Variants in UNC79 observed in about 807,000 individuals in gnomAD.
UNC79 encodes the protein protein unc-79 homolog.
UNC79 carries 37 observed loss-of-function variants against 283.1 expected under a neutral mutation model. That is an observed-to-expected ratio of 0.13 (90% CI 0.10 to 0.17). The LOEUF is 0.17. Among genes scored for constraint, UNC79 ranks in the 10% least tolerant of loss-of-function variants. UNC79 has a pLI of 1.00. For missense variants in UNC79, 2,272 were observed against 3,211.1 expected, an observed-to-expected ratio of 0.71 and a Z score of 7.07; for synonymous variants, 1,107 against 1,200.2, an observed-to-expected ratio of 0.92 and a Z score of 1.61.
Position 93,353,958 on chromosome 14 carries a change from A to G in UNC79, c.-351+20435A>G, listed in dbSNP as rs981169420. ...ATGTAACCTTAAATACATAATCAAA[A>G]ATAGGGTATGGAAAATAGCCATGGG... is the stretch of plus-strand genomic sequence containing the variant. On this transcript the variant is annotated intron_variant, in intron 1 of 49. Coordinates refer to the UNC79 transcript ENST00000256339. Among the ~76,000 whole-genome samples, 20 of 152,342 alleles carry G rather than the reference A, an allele frequency of 1.3e-4. No homozygotes were observed. The Middle Eastern group carries it at 0.017, about 130-fold the overall frequency.
At chr14:93,649,054 CTT>C (rs1292734649) in intron 35 of UNC79, among the ~76,000 whole-genome samples, 1 of 152,092 alleles carries the variant, frequency 6.6e-6, no homozygotes, top group Non-Finnish European at 1.5e-5. Context: ...CTGTGTGTGA[CTT>C]TGGCCACATT....
rs540274920 is a variant in UNC79 at position 93,413,350 on chromosome 14, A to G, written c.-350-54321A>G. On this transcript the variant is annotated intron_variant, in intron 1 of 49. Coordinates refer to the UNC79 transcript ENST00000256339. ...TTTCATCCATGTCCCTACAAAGGAC[A>G]TGAACTCATCATGTTTTATGGCTGC... Among the ~76,000 whole-genome samples, 12 of 152,212 alleles carry G rather than the reference A, an allele frequency of 7.9e-5. No homozygotes were observed. In the South Asian group the frequency reaches 2.3e-3, roughly 29 times the overall value.
chr14:93,647,961 T>C (rs1030889187), intron 35 of UNC79, among the ~76,000 whole-genome samples: 3 of 152,168 alleles, frequency 2.0e-5, no homozygotes, highest in African/African-American at 7.2e-5. Context: ...GTGAGACTTA[T>C]TCACTACCAC....
chr14:93,636,316 A>G (rs938972824), intron 31 of UNC79, among the ~76,000 whole-genome samples: 24 of 152,140 alleles, frequency 1.6e-4, no homozygotes, highest in African/African-American at 5.5e-4. Flanking sequence ...CCTGTTTTCC[A>G]TCCTCCAAAT....
intron 7 of UNC79, among the ~76,000 whole-genome samples, chr14:93,498,360 G>T (rs142228901): frequency 6.6e-6 from 1 of 151,944 alleles, no homozygotes; most frequent in African/African-American, 2.4e-5. Context: ...AGGCCTAGGC[G>T]GGTGGATCAC....
chr14:93,682,846 C>A, intron 42 of UNC79, 152 bp downstream of exon 45: 2 of 671,620 alleles, frequency 3.0e-6, no homozygotes, highest in Non-Finnish European at 5.0e-6. Flanking sequence ...TTCTTTGATT[C>A]ATAACATCTG....
chr14:93,549,694 C>T (rs545240837), intron 14 of UNC79, among the ~76,000 whole-genome samples: 1 of 152,206 alleles, frequency 6.6e-6, no homozygotes, highest in South Asian at 2.1e-4. Context: ...AAAAAAAAGA[C>T]AGGAAAAGAA....
chr14:93,702,057 A>G (rs771719857), intron 47 of UNC79, among the ~76,000 whole-genome samples: 2 of 152,190 alleles, frequency 1.3e-5, no homozygotes, highest in Non-Finnish European at 2.9e-5. Flanking sequence ...CCACTTCTGT[A>G]TTAAATAGTC....
rs565998029 is a variant in UNC79 at position 93,465,417 on chromosome 14, C to T, written c.23-2254C>T. 2.0e-5 allele frequency among the ~76,000 whole-genome samples: 3 copies of T among 152,028 alleles called. No individual in the cohort carries two copies. The South Asian group carries it at 6.3e-4, about 32-fold the overall frequency. On this transcript the variant is annotated intron_variant, in intron 1 of 48. Coordinates refer to ENST00000555664, the Ensembl canonical transcript of UNC79. ...GCCATGAGTAAGGTATAGTTTCTGCCCTTAAGAAATTTACAAGCTGGTATA... is the reference window on the plus strand; with the variant it reads ...GCCATGAGTAAGGTATAGTTTCTGCTCTTAAGAAATTTACAAGCTGGTATA...
chr14:93,410,637 T>C (rs1229160977), intron 1 of UNC79, among the ~76,000 whole-genome samples: 1 of 152,146 alleles, frequency 6.6e-6, no homozygotes, highest in Non-Finnish European at 1.5e-5. Context: ...CACAGTAGAA[T>C]AGGACAATGG....
At chr14:93,605,811 A>C (rs957216131) in intron 26 of UNC79, among the ~76,000 whole-genome samples, 2 of 152,126 alleles carry the variant, frequency 1.3e-5, no homozygotes, top group African/African-American at 4.8e-5. Flanking sequence ...CCGAAGTGGG[A>C]GGGGAGAGAG....
chr14:93,556,682 GAGA>G lies in UNC79; in HGVS notation c.1755+13988_1755+13990del, dbSNP rs1400543737. 3.8e-3 allele frequency among the ~76,000 whole-genome samples: 162 copies of G among 42,326 alleles called. 1 individual carries two copies. The highest frequency in any genetic ancestry group is 0.011 in the African/African-American group (157 of 14,670). 27.8% of individuals were successfully genotyped at this position (42,326 alleles called of 152,430 possible). ...AAATGGAGAAACAATTCAATTGACTGAGAAAAAAAAAAAACCCAAAAACCTTTT... is the reference window on the plus strand; with the variant it reads ...AAATGGAGAAACAATTCAATTGACTGAAAAAAAAAAACCCAAAAACCTTTT... On this transcript the variant is annotated intron_variant, in intron 14 of 48. Coordinates refer to ENST00000555664, the Ensembl canonical transcript of UNC79.
chr14:93,342,934 C>T (rs764207899), intron 1 of UNC79, among the ~76,000 whole-genome samples: 1 of 152,244 alleles, frequency 6.6e-6, no homozygotes, highest in African/African-American at 2.4e-5. Flanking sequence ...GAGACTATCT[C>T]AGCCTGGACT....
At chr14:93,358,768 A>G (rs2054161360) in intron 1 of UNC79, among the ~76,000 whole-genome samples, 1 of 152,106 alleles carries the variant, frequency 6.6e-6, no homozygotes, top group Non-Finnish European at 1.5e-5. Context: ...GAGGAGATAA[A>G]CCTTGTGCTG....
chr14:93,472,722 A>G (rs2057583036), intron 2 of UNC79, among the ~76,000 whole-genome samples: 1 of 152,118 alleles, frequency 6.6e-6, no homozygotes, highest in Admixed American at 6.6e-5. Context: ...ACACTAACCA[A>G]TTCTTGACAT....
At chr14:93,446,793 T>C (rs1394617283) in intron 1 of UNC79, among the ~76,000 whole-genome samples, 4 of 152,240 alleles carry the variant, frequency 2.6e-5, no homozygotes, top group African/African-American at 9.6e-5. Flanking sequence ...ATATATTCTG[T>C]ATGCTTTCAA....
intron 41 of UNC79, among the ~76,000 whole-genome samples, chr14:93,679,800 A>G (rs1366358908): frequency 1.1e-4 from 17 of 152,218 alleles, no homozygotes; most frequent in Non-Finnish European, 5.9e-5. Flanking sequence ...GGGGGAATGC[A>G]TATTTCAGTG....
At chr14:93,476,328 T>C (rs982561510) in intron 3 of UNC79, among the ~76,000 whole-genome samples, 2 of 152,196 alleles carry the variant, frequency 1.3e-5, no homozygotes. Flanking sequence ...TTTCCTTATA[T>C]GAAAAATACT....
intron 19 of UNC79, among the ~76,000 whole-genome samples, chr14:93,580,998 C>G: frequency 6.6e-6 from 1 of 152,042 alleles, no homozygotes; most frequent in East Asian, 1.9e-4. Context: ...CATGAGCCAC[C>G]ATGCCTGGCC....
Sources: gnomAD v4.1 joint callset for allele counts (sites outside exome capture counted in the v4.1 genomes callset) on GRCh38, gnomAD v4.1.1 for gene constraint, MANE v1.5 for transcripts, NCBI Gene and HGNC (gene_info 2026-07-23, HGNC 2026-07-21) for gene names.